SHISA9: variants seen among roughly 807,000 people sequenced by gnomAD.
SHISA9 encodes the protein shisa family member 9, also known as protein shisa-9.
SHISA9 carries 13 observed loss-of-function variants against 38.0 expected under a neutral mutation model. That is an observed-to-expected ratio of 0.34 (90% CI 0.22 to 0.54). The LOEUF (loss-of-function observed/expected upper bound fraction) is 0.54, where lower values mean the gene tolerates loss of function less well. SHISA9 is among the 20% of genes least tolerant of loss of function. SHISA9 has a pLI of 0.91. For synonymous variants in SHISA9, 275 were observed against 242.0 expected (o/e 1.14, Z -1.27); for missense variants, 538 against 575.8 (o/e 0.93, Z 0.67).
the SHISA9 span, among the ~76,000 whole-genome samples, chr16:13,554,077 A>T: frequency 6.6e-6 from 1 of 151,546 alleles, no homozygotes; most frequent in Non-Finnish European, 1.5e-5. Context: ...AAAAAGTATA[A>T]AAAAAAATAA....
chr16:12,912,337 G>T (rs2071195897), intron 1 of SHISA9, among the ~76,000 whole-genome samples: 1 of 152,156 alleles, frequency 6.6e-6, no homozygotes, highest in Non-Finnish European at 1.5e-5. Context: ...GTACTCAAGA[G>T]AAGCCCAGGG....
chr16:13,421,725 A>G, the SHISA9 span, among the ~76,000 whole-genome samples: 1 of 152,222 alleles, frequency 6.6e-6, no homozygotes, highest in Non-Finnish European at 1.5e-5. Context: ...CCAATACAAT[A>G]TTTGACACAC....
chr16:13,103,548 A>T (rs1006114723), intron 2 of SHISA9, among the ~76,000 whole-genome samples: 1 of 152,188 alleles, frequency 6.6e-6, no homozygotes, highest in Non-Finnish European at 1.5e-5. Context: ...GCTCTTGAAC[A>T]CAGTAACCCA....
intron 1 of SHISA9, among the ~76,000 whole-genome samples, chr16:12,907,309 C>T (rs541829078): frequency 2.9e-4 from 43 of 146,322 alleles, no homozygotes; most frequent in African/African-American, 1.0e-3. Flanking sequence ...TTTTTCCTTC[C>T]TCCCTTCCCT....
At chr16:13,364,935 T>C in the SHISA9 span, among the ~76,000 whole-genome samples, 8 of 152,068 alleles carry the variant, frequency 5.3e-5, no homozygotes, top group African/African-American at 1.7e-4. Context: ...GGAAAGTGGA[T>C]AGAAACATTA....
At chr16:13,195,940 TAGCC>T (rs1391989014) in intron 2 of SHISA9, among the ~76,000 whole-genome samples, 3 of 151,158 alleles carry the variant, frequency 2.0e-5, no homozygotes. Flanking sequence ...ATAAAAAAAT[TAGCC>T]AGGTGTGGTG....
chr16:13,396,395 T>C, the SHISA9 span, among the ~76,000 whole-genome samples: 1 of 152,200 alleles, frequency 6.6e-6, no homozygotes, highest in Non-Finnish European at 1.5e-5. Flanking sequence ...TAATTCCAGC[T>C]ACTGAGGAGG....
chr16:13,440,675 T>A, the SHISA9 span, among the ~76,000 whole-genome samples: 3 of 152,168 alleles, frequency 2.0e-5, no homozygotes, highest in Admixed American at 6.5e-5. Flanking sequence ...ACGACTATAA[T>A]CCCAGCACTT....
At chr16:13,226,368 C>G (rs1435733758) in intron 4 of SHISA9, among the ~76,000 whole-genome samples, 1 of 152,172 alleles carries the variant, frequency 6.6e-6, no homozygotes, top group Non-Finnish European at 1.5e-5. Flanking sequence ...CTGTGCTTCT[C>G]TAAGAGACCA....
At chr16:12,970,475 A>G (rs1209256650) in intron 2 of SHISA9, among the ~76,000 whole-genome samples, 660 of 18,774 alleles carry the variant, frequency 0.035, 13 homozygotes, top group South Asian at 0.054. Flanking sequence ...GTGTGTATAT[A>G]TATATATATA....
At chr16:12,908,774 C>CT (rs2071140766) in intron 1 of SHISA9, 1 of 1,388,988 alleles carries the variant, frequency 7.2e-7, no homozygotes, top group African/African-American at 1.5e-5. Flanking sequence ...GCCCAGACGT[C>CT]TTGGTGGAGG....
At chr16:13,006,546 A>T (rs1201873433) in intron 2 of SHISA9, among the ~76,000 whole-genome samples, 1 of 152,218 alleles carries the variant, frequency 6.6e-6, no homozygotes, top group Non-Finnish European at 1.5e-5. Context: ...TATTCATCAG[A>T]TGTTTTCTAT....
the SHISA9 span, among the ~76,000 whole-genome samples, chr16:13,326,722 G>C: frequency 6.6e-6 from 1 of 151,906 alleles, no homozygotes; most frequent in African/African-American, 2.4e-5. Context: ...CGCCTTCTCA[G>C]AAAAAGAAAG....
chr16:13,167,207 G>A (rs1219352485), intron 2 of SHISA9, among the ~76,000 whole-genome samples: 1 of 151,320 alleles, frequency 6.6e-6, no homozygotes, highest in African/African-American at 2.4e-5. Flanking sequence ...TGAGTAGCTG[G>A]GATTACAGGC....
At chr16:13,045,569 C>A (rs1224313168) in intron 2 of SHISA9, among the ~76,000 whole-genome samples, 1 of 149,036 alleles carries the variant, frequency 6.7e-6, no homozygotes, top group Non-Finnish European at 1.5e-5. Flanking sequence ...CACGGTAAAT[C>A]TCCCACAGAG....
chr16:13,325,520 G>T, the SHISA9 span, among the ~76,000 whole-genome samples: 1 of 152,126 alleles, frequency 6.6e-6, no homozygotes, highest in Non-Finnish European at 1.5e-5. Context: ...ATATTATTTT[G>T]GGGTTAGAGC....
chr16:13,463,198 C>T, the SHISA9 span, among the ~76,000 whole-genome samples: 1 of 151,974 alleles, frequency 6.6e-6, no homozygotes, highest in African/African-American at 2.4e-5. Flanking sequence ...AGAAAGTTCA[C>T]TATAGCTTTC....
intron 4 of SHISA9, among the ~76,000 whole-genome samples, chr16:13,221,172 G>C (rs2051221198): frequency 6.6e-6 from 1 of 152,152 alleles, no homozygotes; most frequent in African/African-American, 2.4e-5. Context: ...GGTGCCCCGT[G>C]GGGAGGGCCA....
At chr16:13,530,341 G>C in the SHISA9 span, among the ~76,000 whole-genome samples, 4 of 152,154 alleles carry the variant, frequency 2.6e-5, no homozygotes, top group African/African-American at 9.6e-5. Flanking sequence ...TCACCTACCA[G>C]CTCTGTGTCC....
Sources: allele counts gnomAD v4.1 joint callset (sites outside exome capture counted in the v4.1 genomes callset), GRCh38; gene constraint gnomAD v4.1.1; transcripts MANE v1.5; gene names NCBI Gene and HGNC (gene_info 2026-07-23, HGNC 2026-07-21).